ZDHHC6: variants seen among roughly 807,000 people sequenced by gnomAD.
ZDHHC6 encodes palmitoyltransferase ZDHHC6.
ZDHHC6 carries 32 observed loss-of-function variants against 57.8 expected under a neutral mutation model. The observed-to-expected ratio is 0.55, with a 90% CI of 0.42 to 0.74. ZDHHC6 has a LOEUF of 0.74. Ranked by LOEUF, ZDHHC6 falls within the 30% of genes least tolerant of loss-of-function variation. ZDHHC6 has a pLI of 0.00. For missense variants in ZDHHC6, 433 were observed against 500.7 expected, an observed-to-expected ratio of 0.86 and a Z score of 1.29; for synonymous variants, 128 against 158.0, an observed-to-expected ratio of 0.81 and a Z score of 1.42.
intron 5 of ZDHHC6, among the ~76,000 whole-genome samples, chr10:112,439,959 CATA>C (rs1431845095): frequency 6.6e-6 from 1 of 152,008 alleles, no homozygotes; most frequent in Non-Finnish European, 1.5e-5. Context: ...GTGCCTTACA[CATA>C]ATAAGTGCTC....
chr10:112,434,507 A>C (rs200086526), intron 6 of ZDHHC6, 43 bp from the exon 7 acceptor site: 1 of 1,565,312 alleles, frequency 6.4e-7, no homozygotes, highest in Non-Finnish European at 8.7e-7. Context: ...CCTCTGTCTA[A>C]GTGGCCTGCA....
At chr10:112,430,039 G>A (rs886478711), downstream of ZDHHC6, among the ~76,000 whole-genome samples, 1 of 152,160 alleles carries the variant, frequency 6.6e-6, no homozygotes, top group Non-Finnish European at 1.5e-5. Context: ...CGCAGCCACG[G>A]CTGGACAGCT....
At chr10:112,430,057 C>T (rs1471422898), downstream of ZDHHC6, among the ~76,000 whole-genome samples, 2 of 152,184 alleles carry the variant, frequency 1.3e-5, no homozygotes, top group Admixed American at 6.5e-5. Flanking sequence ...GCTGTAGCTA[C>T]GCTTGGCTCC....
chr10:112,434,198 T>C, intron 7 of ZDHHC6, 99 bp downstream of exon 7: 1 of 1,196,100 alleles, frequency 8.4e-7, no homozygotes, highest in Non-Finnish European at 1.2e-6. Flanking sequence ...AAAACATTCA[T>C]ATTACTTATT....
chr10:112,443,634 C>T (rs778157375), intron 2 of ZDHHC6, 28 bp from the exon 3 acceptor site: 3 of 1,553,474 alleles, frequency 1.9e-6, no homozygotes, highest in African/African-American at 2.7e-5. Flanking sequence ...AACAAAAATG[C>T]ATCATCGGAT....
At chr10:112,432,037 G>A (rs184176243) in intron 10 of ZDHHC6, among the ~76,000 whole-genome samples, 5 of 152,290 alleles carry the variant, frequency 3.3e-5, no homozygotes, top group Admixed American at 3.3e-4. Context: ...GAGCTCAAAT[G>A]TTAGCTATCA....
chr10:112,428,837 C>A (rs1438636667), downstream of ZDHHC6, among the ~76,000 whole-genome samples: 1 of 151,924 alleles, frequency 6.6e-6, no homozygotes, highest in African/African-American at 2.4e-5. Flanking sequence ...GGGATTCTGG[C>A]TTAAATGGCC....
intron 2 of ZDHHC6, 74 bp downstream of exon 2, chr10:112,445,096 T>G (rs935106750): frequency 6.7e-7 from 1 of 1,500,270 alleles, no homozygotes; most frequent in African/African-American, 1.4e-5. Context: ...TTTGGTATTA[T>G]TGGTTAGTAG....
chr10:112,426,611 G>T, downstream of ZDHHC6: 1 of 638,886 alleles, frequency 1.6e-6, no homozygotes, highest in Non-Finnish European at 2.7e-6. Flanking sequence ...TTAACACTTA[G>T]ATGTGCCTTT....
At chr10:112,425,362 C>T (rs1349164179), downstream of ZDHHC6, 11 of 1,611,148 alleles carry the variant, frequency 6.8e-6, no homozygotes, top group Admixed American at 1.7e-5. Context: ...GATCATCGAC[C>T]GTAAAAAGAA....
chr10:112,426,178 A>C (rs571300728), downstream of ZDHHC6: 14 of 1,104,884 alleles, frequency 1.3e-5, no homozygotes, highest in Middle Eastern at 2.0e-4. Context: ...CAATGACATA[A>C]TTCTGCTTTA....
downstream of ZDHHC6, chr10:112,426,898 G>A (rs774838326): frequency 9.9e-6 from 15 of 1,513,160 alleles, no homozygotes; most frequent in Admixed American, 1.7e-5. Context: ...CCTCTTGTCA[G>A]AAAGTTTTGT....
intron 6 of ZDHHC6, among the ~76,000 whole-genome samples, chr10:112,438,072 C>A (rs1017036802): frequency 3.3e-5 from 5 of 152,316 alleles, no homozygotes; most frequent in African/African-American, 1.2e-4. Flanking sequence ...GATGGTTTGA[C>A]GTGTGGCTTA....
At chr10:112,435,464 A>T (rs944490416) in intron 6 of ZDHHC6, among the ~76,000 whole-genome samples, 1 of 152,222 alleles carries the variant, frequency 6.6e-6, no homozygotes, top group Non-Finnish European at 1.5e-5. Flanking sequence ...GTTTATAAGC[A>T]GCCTTGGTCA....
intron 6 of ZDHHC6, among the ~76,000 whole-genome samples, 190 bp from the exon 7 acceptor site, chr10:112,434,654 C>G (rs1015235845): frequency 3.3e-5 from 5 of 152,134 alleles, no homozygotes; most frequent in Non-Finnish European, 7.4e-5. Flanking sequence ...TATAGAACAC[C>G]AGCCTTGTAT....
At position 112,434,429 on chromosome 10, in the gene ZDHHC6, T is replaced by C. The variant is rs774894191; in HGVS notation, c.771A>G (p.Glu257=). 3.7e-6 allele frequency: 6 copies of C among 1,613,654 alleles called. No homozygotes were observed. In the East Asian group the frequency reaches 1.1e-4, roughly 30 times the overall value. The part of the protein sequence containing the change: ...KDRIQYYQLD[E]VFVFPYDMGS... ...CCATATCATATGGAAAAACAAAGACTTCATCTAGTTGATAATACTGAATTC... is the reference window on the plus strand; with the variant it reads ...CCATATCATATGGAAAAACAAAGACCTCATCTAGTTGATAATACTGAATTC... Residue 257 remains glutamate, a synonymous_variant, in exon 7 of 11, where the codon GAA becomes GAG. Transcript: ENST00000369405.
intron 2 of ZDHHC6, 120 bp from the exon 3 acceptor site, chr10:112,443,726 C>T (rs1006259570): frequency 1.4e-6 from 1 of 701,272 alleles, no homozygotes. Flanking sequence ...CTTGCATTTC[C>T]AGTCCTCTTA....
downstream of ZDHHC6, chr10:112,426,202 G>C: frequency 7.3e-7 from 1 of 1,366,986 alleles, no homozygotes; most frequent in South Asian, 1.2e-5. Flanking sequence ...AACTACTGGG[G>C]GACATCCCTA....
intron 6 of ZDHHC6, 73 bp downstream of exon 6, chr10:112,438,263 T>C: frequency 9.5e-7 from 1 of 1,047,410 alleles, no homozygotes; most frequent in Non-Finnish European, 1.3e-6. Context: ...CAGACTTTAT[T>C]AATATTCAGG....
Sources: allele counts gnomAD v4.1 joint callset (sites outside exome capture counted in the v4.1 genomes callset), GRCh38; gene constraint gnomAD v4.1.1; transcripts MANE v1.5; gene names NCBI Gene and HGNC (gene_info 2026-07-23, HGNC 2026-07-21).